The following GRID2 variants were observed in gnomAD, a reference collection of about 807,000 sequenced individuals.
The protein encoded by GRID2 is glutamate ionotropic receptor delta type subunit 2.
Under a neutral mutation model 114.8 loss-of-function variants are expected in GRID2, and 33 were observed. That is an observed-to-expected ratio of 0.29 (90% CI 0.22 to 0.38). The LOEUF (loss-of-function observed/expected upper bound fraction) is 0.38, where lower values mean the gene tolerates loss of function less well. Ranked by LOEUF, GRID2 falls within the 10% of genes least tolerant of loss-of-function variation. GRID2 has a pLI of 1.00. For missense variants in GRID2, 1,184 were observed against 1,257.7 expected, an observed-to-expected ratio of 0.94 and a Z score of 0.89; for synonymous variants, 505 against 449.9, an observed-to-expected ratio of 1.12 and a Z score of -1.55.
intron 2 of GRID2, among the ~76,000 whole-genome samples, chr4:92,726,695 A>G (rs1242466311): frequency 1.3e-5 from 2 of 152,152 alleles, no homozygotes; most frequent in Non-Finnish European, 2.9e-5. Flanking sequence ...ATTGAGTCAG[A>G]TAGCCCATCT....
chr4:93,410,143 A>T (rs911935450), intron 9 of GRID2, among the ~76,000 whole-genome samples: 10 of 152,324 alleles, frequency 6.6e-5, no homozygotes, highest in African/African-American at 2.4e-4. Flanking sequence ...ATACCAAAAA[A>T]TAAAAAAACT....
chr4:92,950,189 A>C (rs1751924938), intron 2 of GRID2, among the ~76,000 whole-genome samples: 1 of 152,142 alleles, frequency 6.6e-6, no homozygotes. Flanking sequence ...TTTCTAAAAA[A>C]GCAAAAAGTA....
intron 1 of GRID2, among the ~76,000 whole-genome samples, chr4:92,312,544 T>C (rs1725760499): frequency 6.6e-6 from 1 of 151,972 alleles, no homozygotes; most frequent in African/African-American, 2.4e-5. Flanking sequence ...ATACATGGAG[T>C]AAATGTGTTA....
intron 2 of GRID2, among the ~76,000 whole-genome samples, chr4:92,865,800 A>G (rs1744818496): frequency 6.6e-6 from 1 of 152,254 alleles, no homozygotes; most frequent in South Asian, 2.1e-4. Flanking sequence ...TATGTGTTTT[A>G]CAGTTTGATT....
chr4:93,010,438 G>A (rs967741863), intron 2 of GRID2, among the ~76,000 whole-genome samples: 60 of 151,898 alleles, frequency 4.0e-4, no homozygotes, highest in African/African-American at 1.4e-3. Context: ...TACAACTCAG[G>A]AACAGCGGAA....
chr4:93,024,590 A>C (rs940320149), intron 2 of GRID2, among the ~76,000 whole-genome samples: 1 of 151,738 alleles, frequency 6.6e-6, no homozygotes, highest in African/African-American at 2.4e-5. Flanking sequence ...TGTATTTTAC[A>C]TTATTTTATA....
At chr4:93,073,926 C>T (rs1729036384) in intron 2 of GRID2, among the ~76,000 whole-genome samples, 1 of 152,176 alleles carries the variant, frequency 6.6e-6, no homozygotes, top group African/African-American at 2.4e-5. Context: ...GGACCAGGTC[C>T]GCGATAACCT....
intron 10 of GRID2, among the ~76,000 whole-genome samples, chr4:93,454,598 T>C (rs1465266311): frequency 6.6e-6 from 1 of 152,054 alleles, no homozygotes; most frequent in Non-Finnish European, 1.5e-5. Context: ...TGCTTAACTT[T>C]AGCTAGAATA....
intron 1 of GRID2, among the ~76,000 whole-genome samples, chr4:92,502,788 G>A (rs907196671): frequency 2.3e-5 from 3 of 128,270 alleles, no homozygotes; most frequent in Non-Finnish European, 4.6e-5. Context: ...GGCAATCTCA[G>A]CTCACTGCAA....
intron 1 of GRID2, among the ~76,000 whole-genome samples, chr4:92,382,572 A>G (rs886120105): frequency 1.5e-4 from 23 of 152,086 alleles, no homozygotes; most frequent in Non-Finnish European, 2.5e-4. Flanking sequence ...AGTATGTGCT[A>G]TTGGAAATTA....
intron 2 of GRID2, among the ~76,000 whole-genome samples, chr4:92,933,149 TTATATA>T (rs896890008): frequency 1.3e-5 from 2 of 150,050 alleles, no homozygotes; most frequent in South Asian, 2.1e-4. Context: ...ATTTTATACA[TTATATA>T]TATATACACA....
intron 2 of GRID2, among the ~76,000 whole-genome samples, chr4:92,815,867 A>T (rs1325952389): frequency 1.5e-5 from 2 of 135,250 alleles, no homozygotes; most frequent in Non-Finnish European, 3.1e-5. Context: ...GTGAGCCGTG[A>T]CCGTATCACT....
At chr4:93,259,846 C>A (rs1750055905) in intron 8 of GRID2, among the ~76,000 whole-genome samples, 2 of 151,650 alleles carry the variant, frequency 1.3e-5, no homozygotes, top group Admixed American at 1.3e-4. Flanking sequence ...TTAATATTGT[C>A]TAAGTGATAG....
chr4:93,442,243 A>G (rs1721690795), intron 10 of GRID2, among the ~76,000 whole-genome samples: 1 of 152,018 alleles, frequency 6.6e-6, no homozygotes, highest in Non-Finnish European at 1.5e-5. Flanking sequence ...TTTGACTGAA[A>G]TGTGTATTTG....
intron 2 of GRID2, among the ~76,000 whole-genome samples, chr4:92,637,595 T>C (rs1371530307): frequency 6.6e-6 from 1 of 152,050 alleles, no homozygotes; most frequent in Non-Finnish European, 1.5e-5. Flanking sequence ...GTTGGATCTC[T>C]TAAATCTTAA....
chr4:93,668,744 A>G (rs1452162532), intron 14 of GRID2, among the ~76,000 whole-genome samples: 1 of 152,078 alleles, frequency 6.6e-6, no homozygotes, highest in Non-Finnish European at 1.5e-5. Flanking sequence ...CTCAGCATCA[A>G]TGGATAATGG....
At chr4:92,384,517 T>TAA (rs11270119) in intron 1 of GRID2, among the ~76,000 whole-genome samples, 1 of 36,218 alleles carries the variant, frequency 2.8e-5, no homozygotes, top group African/African-American at 1.2e-4. Flanking sequence ...ATATATAATA[T>TAA]TATATAATAT....
chr4:92,877,421 C>T (rs192249547), intron 2 of GRID2, among the ~76,000 whole-genome samples: 5 of 152,290 alleles, frequency 3.3e-5, no homozygotes, highest in East Asian at 1.9e-4. Flanking sequence ...CAATATGAAG[C>T]TCTGAAGTAA....
At chr4:92,796,670 G>C (rs1320490204) in intron 2 of GRID2, among the ~76,000 whole-genome samples, 1 of 151,844 alleles carries the variant, frequency 6.6e-6, no homozygotes, top group Non-Finnish European at 1.5e-5. Context: ...TCTTCTTACT[G>C]ATTTTCCTAA....
Sources: gnomAD v4.1 joint callset for allele counts (sites outside exome capture counted in the v4.1 genomes callset) on GRCh38, gnomAD v4.1.1 for gene constraint, MANE v1.5 for transcripts, NCBI Gene and HGNC (gene_info 2026-07-23, HGNC 2026-07-21) for gene names.